Variants in TPP2 observed in about 807,000 individuals in gnomAD.
TPP2 encodes the protein tripeptidyl-peptidase 2.
Under a neutral mutation model 155.9 loss-of-function variants are expected in TPP2, and 34 were observed. The observed-to-expected ratio is 0.22, with a 90% CI of 0.17 to 0.29. TPP2 has a LOEUF of 0.29. Among genes scored for constraint, TPP2 ranks in the 10% least tolerant of loss-of-function variants. The probability of loss-of-function intolerance (pLI) is 1.00; values close to 1 mark genes in which losing one functional copy is unlikely to be tolerated. For missense variants in TPP2, 1,028 were observed against 1,522.3 expected (o/e 0.68, Z 5.40); for synonymous variants, 510 against 529.4 (o/e 0.96, Z 0.50).
intron 25 of TPP2, among the ~76,000 whole-genome samples, chr13:102,660,611 A>G (rs1884146800): frequency 6.6e-6 from 1 of 152,260 alleles, no homozygotes; most frequent in Non-Finnish European, 1.5e-5. Context: ...GGATCCTTTT[A>G]TAGAAATTAA....
chr13:102,616,368 T>C, intron 3 of TPP2, 28 bp from the exon 4 acceptor site: 1 of 1,579,074 alleles, frequency 6.3e-7, no homozygotes, highest in Non-Finnish European at 8.7e-7. Flanking sequence ...GTCAGCCTAA[T>C]TGTAAGGTAA....
At chr13:102,605,580 G>A (rs1180866196) in intron 2 of TPP2, among the ~76,000 whole-genome samples, 1 of 152,098 alleles carries the variant, frequency 6.6e-6, no homozygotes, top group Non-Finnish European at 1.5e-5. Context: ...GATAGAGAAA[G>A]TAACCACATC....
chr13:102,642,687 T>C (rs1462709710), intron 16 of TPP2, among the ~76,000 whole-genome samples: 2 of 152,172 alleles, frequency 1.3e-5, no homozygotes, highest in African/African-American at 4.8e-5. Flanking sequence ...TGATCTTGGC[T>C]TACCTCCAGC....
chr13:102,615,971 C>T (rs9557894), intron 3 of TPP2, among the ~76,000 whole-genome samples: 37,666 of 148,244 alleles, frequency 0.25, 5,237 homozygotes, highest in East Asian at 0.46. Context: ...TTTTTTTTCT[C>T]TTTGAGACAG....
intron 6 of TPP2, among the ~76,000 whole-genome samples, chr13:102,626,494 A>G (rs1032508617): frequency 1.3e-5 from 2 of 152,168 alleles, no homozygotes; most frequent in African/African-American, 2.4e-5. Flanking sequence ...ATGTGCACAC[A>G]TTTTGGTATT....
At chr13:102,677,196 T>C (rs938357327) in intron 29 of TPP2, among the ~76,000 whole-genome samples, 11 of 152,174 alleles carry the variant, frequency 7.2e-5, no homozygotes, top group African/African-American at 2.4e-4. Flanking sequence ...TTAAATTAGC[T>C]CCTCCAGATC....
Position 102,663,635 on chromosome 13 carries a change from C to T in TPP2, c.3144-13C>T. The stretch of plus-strand genomic sequence containing the variant: ...GAAAAAAGTAAATATTTCTCTCCTT[C>T]TTACATACATAGGCTGGATTCTAGT... On this transcript the variant is annotated splice_polypyrimidine_tract_variant and intron_variant, in intron 25 of 29. Coordinates refer to ENST00000376052, the MANE Select transcript of TPP2 (RefSeq NM_001330588.2). 1.3e-6 allele frequency: 2 copies of T among 1,555,480 alleles called. No individual in the cohort carries two copies. Among genetic ancestry groups the T allele is most frequent in the African/African-American group, 1.4e-5 (1 of 71,976 alleles).
chr13:102,601,063 T>A (rs1879395526), intron 1 of TPP2, among the ~76,000 whole-genome samples: 1 of 152,066 alleles, frequency 6.6e-6, no homozygotes. Context: ...GCTAATTTTT[T>A]AATTTTTTTG....
intron 6 of TPP2, among the ~76,000 whole-genome samples, chr13:102,623,990 G>T (rs55993616): frequency 2.0e-5 from 3 of 152,010 alleles, no homozygotes; most frequent in Non-Finnish European, 4.4e-5. Context: ...TTTTTGATCC[G>T]TGGTTGGTTA....
chr13:102,618,902 G>GA (rs1285619562), intron 5 of TPP2, 56 bp downstream of exon 5: 50 of 1,554,072 alleles, frequency 3.2e-5, no homozygotes, highest in Non-Finnish European at 8.7e-6. Flanking sequence ...TTTCTACTCT[G>GA]AAAAACATTA....
intron 1 of TPP2, 60 bp downstream of exon 1, chr13:102,597,263 G>C (rs1879029220): frequency 9.7e-7 from 1 of 1,033,282 alleles, no homozygotes; most frequent in South Asian, 2.2e-5. Context: ...CGCGGGTGGG[G>C]ACACAGTCTC....
At chr13:102,635,803 T>C in intron 12 of TPP2, 101 bp downstream of exon 12, 2 of 879,488 alleles carry the variant, frequency 2.3e-6, no homozygotes, top group Non-Finnish European at 3.5e-6. Context: ...ATTCAGTATA[T>C]CTGAATTATG....
intron 15 of TPP2, among the ~76,000 whole-genome samples, chr13:102,638,531 A>G (rs1263253707): frequency 1.3e-5 from 2 of 152,122 alleles, no homozygotes; most frequent in Non-Finnish European, 2.9e-5. Flanking sequence ...CATCTGCCCT[A>G]CCTCTGCATC....
At chr13:102,640,461 C>T in intron 16 of TPP2, 85 bp downstream of exon 16, 1 of 1,019,468 alleles carries the variant, frequency 9.8e-7, no homozygotes, top group Non-Finnish European at 1.5e-6. Flanking sequence ...TTATCTGTAG[C>T]ATGTATTTCC....
chr13:102,648,428 ACGTGTGTGTGTGTG>A (rs1301909689), intron 21 of TPP2, among the ~76,000 whole-genome samples: 3 of 103,830 alleles, frequency 2.9e-5, no homozygotes, highest in Non-Finnish European at 5.9e-5. Flanking sequence ...CATAAGTTAC[ACGTGTGTGTGTGTG>A]TGTGTGTGTG....
intron 24 of TPP2, among the ~76,000 whole-genome samples, chr13:102,652,173 T>G (rs1206210197): frequency 6.6e-6 from 1 of 152,004 alleles, no homozygotes; most frequent in Non-Finnish European, 1.5e-5. Flanking sequence ...CTCAGCGGTT[T>G]GAAACCAGCC....
At chr13:102,634,332 A>C (rs1342136412) in intron 11 of TPP2, among the ~76,000 whole-genome samples, 1 of 152,214 alleles carries the variant, frequency 6.6e-6, no homozygotes, top group Admixed American at 6.5e-5. Flanking sequence ...CTGGGGCTAA[A>C]TTAGTGAACA....
chr13:102,598,146 T>C (rs1488660633), intron 1 of TPP2, among the ~76,000 whole-genome samples: 2 of 152,248 alleles, frequency 1.3e-5, no homozygotes, highest in Admixed American at 6.5e-5. Flanking sequence ...CTTTAAAGTT[T>C]AACTTTTGTA....
At chr13:102,605,817 G>A (rs1018922713) in intron 2 of TPP2, among the ~76,000 whole-genome samples, 2 of 150,880 alleles carry the variant, frequency 1.3e-5, no homozygotes, top group Non-Finnish European at 2.9e-5. Flanking sequence ...TCCGCCTCCC[G>A]GGTTCTAGCA....
Sources: gnomAD v4.1 joint callset for allele counts (sites outside exome capture counted in the v4.1 genomes callset) on GRCh38, gnomAD v4.1.1 for gene constraint, MANE v1.5 for transcripts, NCBI Gene and HGNC (gene_info 2026-07-23, HGNC 2026-07-21) for gene names.